The following LNPEP variants were observed in gnomAD, a reference collection of about 807,000 sequenced individuals.
LNPEP encodes the protein leucyl-cystinyl aminopeptidase.
LNPEP carries 64 observed loss-of-function variants against 120.6 expected under a neutral mutation model. That is an observed-to-expected ratio of 0.53 (90% CI 0.43 to 0.65). The LOEUF (loss-of-function observed/expected upper bound fraction) is 0.65, where lower values mean the gene tolerates loss of function less well. LNPEP is among the 30% of genes least tolerant of loss of function. The pLI, the probability that LNPEP is intolerant of heterozygous loss-of-function variation, is 0.00. For missense variants in LNPEP, 1,057 were observed against 1,200.0 expected (o/e 0.88, Z 1.76); for synonymous variants, 435 against 425.4 (o/e 1.02, Z -0.28).
rs772301430 is a variant in LNPEP, at chr5:96,979,815, G to A, written c.697G>A (p.Glu233Lys). The part of the protein sequence containing the change: ...SAVSSQEKQA[E>K]ILEYAYHGQI... ...AGTTTCAAGCCAAGAAAAACAAGCT[G>A]AGATCCTGGAATATGCATATCATGG... Residue 233 changes from glutamate to lysine, a missense_variant, in exon 2 of 18, where the codon GAG becomes AAG. Physicochemically the swap from Glu to Lys is moderately conservative, Grantham distance 56 (BLOSUM62 1). Transcript: ENST00000231368. The A allele has an allele frequency of 6.2e-7, 1 of 1,614,046 alleles. No homozygotes were observed. Among genetic ancestry groups the A allele is most frequent in the East Asian group, 2.2e-5 (1 of 44,886 alleles).
chr5:96,988,860 G>A (rs1315409404), intron 4 of LNPEP, among the ~76,000 whole-genome samples: 1 of 152,006 alleles, frequency 6.6e-6, no homozygotes, highest in Non-Finnish European at 1.5e-5. Flanking sequence ...CAATCCTCCT[G>A]CCTCAACCTC....
In LNPEP at chr5:97,030,214, T is replaced by C. The variant is rs940873377; in HGVS notation, c.*1681T>C. The C allele has an allele frequency of 5.9e-5, 9 of 152,148 alleles. No homozygotes were observed. The highest frequency in any genetic ancestry group is 5.2e-4 in the Admixed American group (8 of 15,288). 9.4% of individuals were successfully genotyped at this position (152,148 alleles called of 1,614,324 possible). Reference sequence around the variant, plus strand: ...AGTGTGTTTTCCCCAATTTAGTCTTTTCTAAAATTTATCTGTTTTAGAGTA... The same window carrying C: ...AGTGTGTTTTCCCCAATTTAGTCTTCTCTAAAATTTATCTGTTTTAGAGTA... On this transcript the variant is annotated 3_prime_UTR_variant, in exon 18 of 18. Transcript: ENST00000231368.
rs1159830152 is a variant in LNPEP, at chr5:97,030,430, G to T, written c.*1897G>T. On this transcript the variant is annotated 3_prime_UTR_variant, in exon 18 of 18. Coordinates refer to ENST00000231368, the MANE Select transcript of LNPEP (RefSeq NM_005575.3). ...TTTTGAGAGTTTTGTTGTCGTTGCT[G>T]GTTTTTTACCATGTGGTACTAAATT... The T allele has an allele frequency of 6.6e-6, 1 of 151,998 alleles. No individual in the cohort carries two copies. Among genetic ancestry groups the T allele is most frequent in the Non-Finnish European group, 1.5e-5 (1 of 67,968 alleles). 9.4% of individuals were successfully genotyped at this position (151,998 alleles called of 1,614,324 possible). A position where few individuals can be genotyped will look rare whatever the true frequency, so the allele number is the denominator to read the frequency against.
intron 11 of LNPEP, chr5:97,010,533 G>T (rs1426030674): frequency 1.0e-6 from 1 of 985,122 alleles, no homozygotes; most frequent in East Asian, 1.1e-4. Flanking sequence ...GCCCTCTGGA[G>T]CAAACTGTAC....
chr5:96,979,627 C>G lies in LNPEP; in HGVS notation c.509C>G (p.Thr170Ser), dbSNP rs1178214747. 11 of 1,614,004 alleles carry G rather than the reference C, an allele frequency of 6.8e-6. No individual in the cohort carries two copies. The highest frequency in any genetic ancestry group is 1.3e-5 in the African/African-American group (1 of 74,932). The change falls in exon 2 of 18, where the codon ACT becomes AGT. Residue 170 changes from threonine to serine, a missense_variant. Coordinates refer to ENST00000231368, the MANE Select transcript of LNPEP (RefSeq NM_005575.3). The stretch of plus-strand genomic sequence containing the variant: ...CCATGGGCACAGATCAGGCTTCCCA[C>G]TGCCGTTGTGCCACTACGCTATGAA... ...LFPWAQIRLP[T>S]AVVPLRYELS...
At chr5:97,003,305 T>C (rs913015445) in intron 8 of LNPEP, 110 bp from the exon 9 acceptor site, 2 of 633,996 alleles carry the variant, frequency 3.2e-6, no homozygotes, top group African/African-American at 1.8e-5. Context: ...AAGTTCTACA[T>C]ATGAAAGTAA....
intron 1 of LNPEP, among the ~76,000 whole-genome samples, chr5:96,974,380 G>A (rs1020248287): frequency 7.2e-5 from 11 of 152,058 alleles, no homozygotes; most frequent in African/African-American, 2.4e-4. Context: ...AGGCTTGGAG[G>A]GAGAGCACCT....
rs778944997 is a variant in LNPEP at position 96,979,776 on chromosome 5, A to G, written c.658A>G (p.Thr220Ala). Residue 220 changes from threonine to alanine, a missense_variant, in exon 2 of 18, where the codon ACC becomes GCC. Transcript: ENST00000231368. ...CACAGGTCATAATATTTCAAGAGTG[A>G]CCTTTATGTCAGCAGTTTCAAGCCA... ...HSTGHNISRV[T>A]FMSAVSSQEK... 3.1e-6 allele frequency: 5 copies of G among 1,613,950 alleles called. No individual in the cohort carries two copies. Among genetic ancestry groups the G allele is most frequent in the Non-Finnish European group, 2.5e-6 (3 of 1,179,920 alleles).
rs1243253797 is a variant in LNPEP at position 96,954,725 on chromosome 5, T to C, written c.19+18551T>C. On this transcript the variant is annotated intron_variant, in intron 1 of 17. Coordinates refer to ENST00000231368, the MANE Select transcript of LNPEP (RefSeq NM_005575.3). ...ATACATATATACACATATATATACA[T>C]ATATATATACATATATATATACACA... 3.9e-4 allele frequency among the ~76,000 whole-genome samples: 44 copies of C among 111,466 alleles called. 1 individual carries two copies. Among genetic ancestry groups the C allele is most frequent in the African/African-American group, 1.4e-3 (39 of 27,658 alleles). The allele number at this position is 111,466 out of a possible 152,430, so 73.1% of individuals were successfully genotyped here.
chr5:97,027,870 C>A, intron 17 of LNPEP, 56 bp downstream of exon 17: 2 of 1,012,140 alleles, frequency 2.0e-6, no homozygotes, highest in Non-Finnish European at 3.2e-6. Context: ...ACACCCGGAC[C>A]AGGCTGCTCA....
At chr5:97,021,667 A>G (rs1263799124) in intron 13 of LNPEP, among the ~76,000 whole-genome samples, 4 of 152,290 alleles carry the variant, frequency 2.6e-5, no homozygotes, top group Admixed American at 2.0e-4. Flanking sequence ...CTAGCTGAGT[A>G]TATGCAGCAT....
chr5:97,018,859 T>C (rs1290810376), intron 13 of LNPEP, among the ~76,000 whole-genome samples: 2 of 152,214 alleles, frequency 1.3e-5, no homozygotes, highest in Non-Finnish European at 2.9e-5. Flanking sequence ...AGTGTTGTGA[T>C]GGGTAGGGTC....
chr5:96,957,415 T>C (rs550373252), intron 1 of LNPEP, among the ~76,000 whole-genome samples: 1 of 152,280 alleles, frequency 6.6e-6, no homozygotes, highest in African/African-American at 2.4e-5. Flanking sequence ...TTGGTAATAT[T>C]TTAGGTTACA....
At chr5:96,949,667 A>G (rs1373620898) in intron 1 of LNPEP, among the ~76,000 whole-genome samples, 1 of 152,218 alleles carries the variant, frequency 6.6e-6, no homozygotes, top group African/African-American at 2.4e-5. Flanking sequence ...GCAGCACCTC[A>G]TTATTCATAC....
chr5:96,956,167 T>C (rs1470289595), intron 1 of LNPEP, among the ~76,000 whole-genome samples: 1 of 152,254 alleles, frequency 6.6e-6, no homozygotes, highest in Admixed American at 6.5e-5. Context: ...GTAAGAATAC[T>C]TCAAATATTC....
rs1185000324 is a variant in LNPEP at position 97,028,393 on chromosome 5, A to C, written c.2947-9A>C. On this transcript the variant is annotated splice_polypyrimidine_tract_variant and intron_variant, in intron 17 of 17. Coordinates refer to ENST00000231368, the MANE Select transcript of LNPEP (RefSeq NM_005575.3). ...CTTCTTTTGAAATTCTTCTGTGTGA[A>C]ACTTACAGGTTCAGGCATTCTTTGA... 6.2e-7 allele frequency: 1 copy of C among 1,613,552 alleles called. No individual in the cohort carries two copies.
intron 1 of LNPEP, among the ~76,000 whole-genome samples, chr5:96,977,859 T>G (rs1790039222): frequency 6.6e-6 from 1 of 152,204 alleles, no homozygotes; most frequent in Non-Finnish European, 1.5e-5. Flanking sequence ...TCTCATCTTT[T>G]ATTGAATTAG....
chr5:96,943,412 G>A (rs1377487058), intron 1 of LNPEP, among the ~76,000 whole-genome samples: 2 of 152,076 alleles, frequency 1.3e-5, no homozygotes, highest in East Asian at 3.9e-4. Context: ...TCAGCCTCCC[G>A]AGTAACTGGG....
At chr5:96,998,393 G>A (rs78813833) in intron 8 of LNPEP, among the ~76,000 whole-genome samples, 1,854 of 152,122 alleles carry the variant, frequency 0.012, 43 homozygotes, top group East Asian at 0.071. Context: ...TTATAGCGAT[G>A]CATCTTTTAA....
Sources: gnomAD v4.1 joint callset for allele counts (sites outside exome capture counted in the v4.1 genomes callset) on GRCh38, gnomAD v4.1.1 for gene constraint, MANE v1.5 for transcripts, NCBI Gene and HGNC (gene_info 2026-07-23, HGNC 2026-07-21) for gene names.